The following R3HDM1 variants were observed in gnomAD, a reference collection of about 807,000 sequenced individuals.
R3HDM1 encodes R3H domain containing 1.
In R3HDM1, 46 loss-of-function variants were observed where a neutral mutation model predicts 141.1. That is an observed-to-expected ratio of 0.33 (90% CI 0.26 to 0.42). R3HDM1 has a LOEUF of 0.42. Ranked by LOEUF, R3HDM1 falls within the 10% of genes least tolerant of loss-of-function variation. The pLI is 1.00. For missense variants in R3HDM1, 1,184 were observed against 1,368.3 expected (o/e 0.87, Z 2.12); for synonymous variants, 435 against 472.9 (o/e 0.92, Z 1.04).
intron 21 of R3HDM1, among the ~76,000 whole-genome samples, chr2:135,693,525 C>T (rs373175209): frequency 6.6e-6 from 1 of 152,294 alleles, no homozygotes; most frequent in East Asian, 1.9e-4. Context: ...ATAAAAAACA[C>T]TGGCTGTGAC....
At chr2:135,654,488 G>A (rs2065544069) in intron 18 of R3HDM1, among the ~76,000 whole-genome samples, 1 of 151,710 alleles carries the variant, frequency 6.6e-6, no homozygotes, top group Non-Finnish European at 1.5e-5. Flanking sequence ...TCTCTTTGTT[G>A]CCCAGGCTGG....
At chr2:135,656,867 G>A (rs905756276) in intron 18 of R3HDM1, among the ~76,000 whole-genome samples, 10 of 151,364 alleles carry the variant, frequency 6.6e-5, no homozygotes, top group South Asian at 4.2e-4. Flanking sequence ...GCCGAGGCAC[G>A]CAGATCACTT....
intron 1 of R3HDM1, among the ~76,000 whole-genome samples, chr2:135,555,458 A>AGT (rs1700573888): frequency 6.6e-6 from 1 of 152,178 alleles, no homozygotes; most frequent in Admixed American, 6.5e-5. Context: ...TGCCAGTAGG[A>AGT]GTGTAAAGGG....
intron 1 of R3HDM1, among the ~76,000 whole-genome samples, chr2:135,553,731 GC>G (rs1251206816): frequency 6.6e-6 from 1 of 152,066 alleles, no homozygotes; most frequent in African/African-American, 2.4e-5. Flanking sequence ...TCACTCTGTC[GC>G]CCAGGCTGGA....
chr2:135,627,771 G>A (rs1467514666), intron 7 of R3HDM1, among the ~76,000 whole-genome samples: 3 of 152,062 alleles, frequency 2.0e-5, no homozygotes, highest in Non-Finnish European at 4.4e-5. Context: ...TAATATTTAA[G>A]TCATTTTATT....
intron 1 of R3HDM1, among the ~76,000 whole-genome samples, chr2:135,552,837 G>C (rs1700075048): frequency 6.6e-6 from 1 of 152,024 alleles, no homozygotes; most frequent in African/African-American, 2.4e-5. Context: ...AGTAAATTTT[G>C]TGAAGTGGAA....
At chr2:135,667,006 G>A (rs2067621294) in intron 19 of R3HDM1, 2 of 672,706 alleles carry the variant, frequency 3.0e-6, no homozygotes, top group Non-Finnish European at 3.7e-6. Flanking sequence ...GTACTATTAA[G>A]TGAAATAACC....
At chr2:135,583,878 C>G in intron 1 of R3HDM1, 1 of 985,340 alleles carries the variant, frequency 1.0e-6, no homozygotes, top group Non-Finnish European at 1.2e-6. Flanking sequence ...CCATAGTTGC[C>G]CCAGTTCCTA....
chr2:135,676,482 C>T (rs1388254872), intron 20 of R3HDM1, among the ~76,000 whole-genome samples: 1 of 151,966 alleles, frequency 6.6e-6, no homozygotes, highest in East Asian at 1.9e-4. Flanking sequence ...TTTTATTAGC[C>T]TCATTGTTTT....
At position 135,541,265 on chromosome 2, in the gene R3HDM1, A is replaced by G. The variant is rs533193707; in HGVS notation, c.-250+9632A>G. ...ACCCAGGCTGGAGTGCAGTAGCGCAATCTCGGCTCACTGCAAGCTCCGCCT... is the reference window on the plus strand; with the variant it reads ...ACCCAGGCTGGAGTGCAGTAGCGCAGTCTCGGCTCACTGCAAGCTCCGCCT... On this transcript the variant is annotated intron_variant, in intron 1 of 26. Transcript: ENST00000683871. Among the ~76,000 whole-genome samples the G allele has an allele frequency of 3.3e-5, 5 of 152,222 alleles. No homozygotes were observed. In the South Asian group the frequency reaches 1.0e-3, roughly 32 times the overall value.
At chr2:135,704,538 T>G (rs528147727) in intron 21 of R3HDM1, among the ~76,000 whole-genome samples, 28 of 150,960 alleles carry the variant, frequency 1.9e-4, no homozygotes, top group Non-Finnish European at 3.1e-4. Context: ...TGGTGCCATC[T>G]CGGCTCACTG....
chr2:135,686,269 T>TA (rs1424751922), intron 21 of R3HDM1, among the ~76,000 whole-genome samples: 2 of 151,972 alleles, frequency 1.3e-5, no homozygotes, highest in East Asian at 1.9e-4. Flanking sequence ...CAGAAGTTCC[T>TA]AAAAAAAATA....
At chr2:135,571,895 G>C (rs1704195440) in intron 1 of R3HDM1, among the ~76,000 whole-genome samples, 1 of 152,178 alleles carries the variant, frequency 6.6e-6, no homozygotes, top group Non-Finnish European at 1.5e-5. Flanking sequence ...CAGAATGCTA[G>C]AATTATAGGT....
In R3HDM1 at chr2:135,623,003, T is replaced by C. The variant is rs191640260; in HGVS notation, c.497+271T>C. ...TAGGCTCTTGATTGAGTTAGACATA[T>C]ACCATTAATCATGAGAAAAAAGAAA... On this transcript the variant is annotated intron_variant, in intron 7 of 26. Coordinates refer to ENST00000683871, the MANE Select transcript of R3HDM1 (RefSeq NM_001378107.1). The C allele has an allele frequency of 7.9e-5, 78 of 981,730 alleles. No individual in the cohort carries two copies. The African/African-American group carries it at 1.1e-3, about 14-fold the overall frequency. 60.8% of individuals were successfully genotyped at this position (981,730 alleles called of 1,614,324 possible).
chr2:135,585,372 T>C (rs1707647808), intron 1 of R3HDM1, among the ~76,000 whole-genome samples: 1 of 152,250 alleles, frequency 6.6e-6, no homozygotes, highest in Non-Finnish European at 1.5e-5. Context: ...CTTAACATTT[T>C]AGTGACATAG....
At chr2:135,569,718 C>CTTTTTTTTTTTTTTTTTTTTT (rs139858819) in intron 1 of R3HDM1, among the ~76,000 whole-genome samples, 2 of 129,360 alleles carry the variant, frequency 1.5e-5, no homozygotes. Context: ...ATAGTAAGCT[C>CTTTTTTTTTTTTTTTTTTTTT]TTTTTTTTTT....
At chr2:135,590,424 T>A (rs1457445429) in intron 1 of R3HDM1, 1 of 401,416 alleles carries the variant, frequency 2.5e-6, no homozygotes, top group Non-Finnish European at 3.4e-6. Flanking sequence ...AAAAAAACTG[T>A]ATGCCCCCTT....
At chr2:135,627,172 T>C (rs950253439) in intron 7 of R3HDM1, among the ~76,000 whole-genome samples, 8 of 152,192 alleles carry the variant, frequency 5.3e-5, no homozygotes, top group Non-Finnish European at 8.8e-5. Flanking sequence ...CAGTGAAGCA[T>C]ACAGCTAATT....
At chr2:135,591,667 A>G (rs1249959364) in intron 1 of R3HDM1, among the ~76,000 whole-genome samples, 2 of 152,358 alleles carry the variant, frequency 1.3e-5, no homozygotes, top group Middle Eastern at 6.8e-3. Flanking sequence ...ATGTGCAGTT[A>G]GGCCAGACAA....
Sources: allele counts gnomAD v4.1 joint callset (sites outside exome capture counted in the v4.1 genomes callset), GRCh38; gene constraint gnomAD v4.1.1; transcripts MANE v1.5; gene names NCBI Gene and HGNC (gene_info 2026-07-23, HGNC 2026-07-21).